Variants in RGSL1 observed in about 807,000 individuals in gnomAD.
RGSL1 encodes the protein regulator of G protein signaling protein-like.
RGSL1 carries 97 observed loss-of-function variants against 124.7 expected under a neutral mutation model. That is an observed-to-expected ratio of 0.78 (90% CI 0.66 to 0.92). The LOEUF (loss-of-function observed/expected upper bound fraction) is 0.92, where lower values mean the gene tolerates loss of function less well. Ranked by LOEUF, RGSL1 falls within the 40% of genes least tolerant of loss-of-function variation. RGSL1 has a pLI of 0.00. For synonymous variants in RGSL1, 424 were observed against 438.1 expected (o/e 0.97, Z 0.40); for missense variants, 1,233 against 1,288.4 (o/e 0.96, Z 0.66).
intron 8 of RGSL1, among the ~76,000 whole-genome samples, chr1:182,491,923 T>TTTG (rs1655554221): frequency 6.6e-6 from 1 of 152,188 alleles, no homozygotes; most frequent in South Asian, 2.1e-4. Context: ...AAACATCTCT[T>TTTG]GCTATCTCAG....
At chr1:182,522,196 T>C in intron 10 of RGSL1, 87 bp downstream of exon 10, 2 of 903,374 alleles carry the variant, frequency 2.2e-6, no homozygotes, top group African/African-American at 3.4e-5. Flanking sequence ...CTTATCTTTC[T>C]ATGTGTAGGT....
At chr1:182,478,750 T>C (rs989113949) in intron 6 of RGSL1, among the ~76,000 whole-genome samples, 4 of 152,070 alleles carry the variant, frequency 2.6e-5, no homozygotes, top group African/African-American at 9.7e-5. Flanking sequence ...CTCAAAGATC[T>C]CCAAATAGGC....
intron 15 of RGSL1, among the ~76,000 whole-genome samples, chr1:182,541,843 T>C (rs1345631079): frequency 2.6e-5 from 4 of 152,200 alleles, no homozygotes; most frequent in African/African-American, 4.8e-5. Flanking sequence ...CTTAGCAGTT[T>C]TTCATATACC....
intron 9 of RGSL1, among the ~76,000 whole-genome samples, chr1:182,505,020 G>C (rs1558327589): frequency 6.6e-6 from 1 of 152,114 alleles, no homozygotes; most frequent in Non-Finnish European, 1.5e-5. Context: ...TACAAGCTTT[G>C]AAAACCCTTA....
At chr1:182,468,128 G>A (rs1246580891) in intron 4 of RGSL1, among the ~76,000 whole-genome samples, 1 of 152,216 alleles carries the variant, frequency 6.6e-6, no homozygotes, top group African/African-American at 2.4e-5. Context: ...ACAGGTGCTG[G>A]AGAGGATGTG....
chr1:182,536,942 C>G (rs1377139203), intron 14 of RGSL1, among the ~76,000 whole-genome samples: 2 of 152,172 alleles, frequency 1.3e-5, no homozygotes, highest in African/African-American at 4.8e-5. Flanking sequence ...GCCATACATA[C>G]AGTGCGTTTT....
chr1:182,512,205 T>A (rs1657514023), intron 9 of RGSL1, among the ~76,000 whole-genome samples: 1 of 152,214 alleles, frequency 6.6e-6, no homozygotes, highest in Non-Finnish European at 1.5e-5. Flanking sequence ...GTTAGGCACA[T>A]AAATATTTAT....
At chr1:182,533,328 C>T (rs1659320402) in intron 14 of RGSL1, among the ~76,000 whole-genome samples, 1 of 123,534 alleles carries the variant, frequency 8.1e-6, no homozygotes, top group Non-Finnish European at 1.7e-5. Flanking sequence ...AACAATGTAT[C>T]TTGGACATCA....
In RGSL1 at chr1:182,546,346, C is replaced by G. The variant is rs559736450; in HGVS notation, c.2670-1971C>G. 4.7e-5 allele frequency among the ~76,000 whole-genome samples: 5 copies of G among 106,504 alleles called. 1 individual carries two copies. The South Asian group carries it at 1.5e-3, about 32-fold the overall frequency. 69.9% of individuals were successfully genotyped at this position (106,504 alleles called of 152,430 possible). A position where few individuals can be genotyped will look rare whatever the true frequency, so the allele number is the denominator to read the frequency against. On this transcript the variant is annotated intron_variant, in intron 15 of 21. Transcript: ENST00000294854. ...AATTTAATCCTTCTGGCTTTGTATACCTTTTTTTTTTTTATGTTTTAAACT... is the reference window on the plus strand; with the variant it reads ...AATTTAATCCTTCTGGCTTTGTATAGCTTTTTTTTTTTTATGTTTTAAACT...
chr1:182,484,461 C>A (rs1254331325), intron 6 of RGSL1, among the ~76,000 whole-genome samples: 1 of 152,146 alleles, frequency 6.6e-6, no homozygotes, highest in African/African-American at 2.4e-5. Flanking sequence ...AGCCAAGGTT[C>A]TGTTTTCCCA....
intron 17 of RGSL1, chr1:182,550,005 A>G (rs1026556746): frequency 6.6e-6 from 1 of 152,182 alleles, no homozygotes; most frequent in Non-Finnish European, 1.5e-5. Context: ...AAAATGAGAC[A>G]TGCTTTAGGG....
intron 6 of RGSL1, among the ~76,000 whole-genome samples, chr1:182,487,096 C>T (rs1437759530): frequency 1.3e-5 from 2 of 152,100 alleles, no homozygotes; most frequent in Non-Finnish European, 2.9e-5. Context: ...CATTATATTA[C>T]ATTACATATT....
intron 17 of RGSL1, chr1:182,549,486 T>C (rs975058548): frequency 6.6e-6 from 1 of 152,440 alleles, no homozygotes; most frequent in Non-Finnish European, 1.5e-5. Flanking sequence ...TAACCTGTCC[T>C]GTGGAGATTT....
At chr1:182,501,307 CTTTTTTTTTTTT>C (rs141279993) in intron 9 of RGSL1, among the ~76,000 whole-genome samples, 10 of 61,342 alleles carry the variant, frequency 1.6e-4, no homozygotes, top group East Asian at 1.2e-3. Flanking sequence ...TTTTTCTTTT[CTTTTTTTTTTTT>C]TTTTTTTTTT....
At chr1:182,474,568 TTA>T in intron 6 of RGSL1, 26 bp downstream of exon 6, 1 of 1,511,360 alleles carries the variant, frequency 6.6e-7, no homozygotes, top group Non-Finnish European at 8.9e-7. Context: ...CAGAAATAAG[TTA>T]TATCTGGCAA....
At chr1:182,449,699 A>G (rs917566379), upstream of RGSL1, among the ~76,000 whole-genome samples, 4 of 152,178 alleles carry the variant, frequency 2.6e-5, no homozygotes, top group Non-Finnish European at 1.5e-5. Context: ...TGGTGTGATC[A>G]CAGCTCACAG....
At chr1:182,547,088 T>C (rs1422237045) in intron 15 of RGSL1, among the ~76,000 whole-genome samples, 2 of 152,254 alleles carry the variant, frequency 1.3e-5, no homozygotes, top group African/African-American at 4.8e-5. Flanking sequence ...CCACAGATGC[T>C]TGTTGATTGC....
At chr1:182,539,961 C>T (rs1659784884) in intron 14 of RGSL1, among the ~76,000 whole-genome samples, 1 of 152,214 alleles carries the variant, frequency 6.6e-6, no homozygotes, top group African/African-American at 2.4e-5. Context: ...TTTTCAGTCT[C>T]TGCAGAAACC....
At chr1:182,532,847 C>G (rs1170446020) in intron 14 of RGSL1, 56 bp downstream of exon 14, 3 of 1,506,512 alleles carry the variant, frequency 2.0e-6, no homozygotes, top group Admixed American at 4.0e-5. Context: ...CCATGAGGGT[C>G]AGCCCACATA....
Sources: gnomAD v4.1 joint callset for allele counts (sites outside exome capture counted in the v4.1 genomes callset) on GRCh38, gnomAD v4.1.1 for gene constraint, MANE v1.5 for transcripts, NCBI Gene and HGNC (gene_info 2026-07-23, HGNC 2026-07-21) for gene names.